AKR1D1: variants seen among roughly 807,000 people sequenced by gnomAD.
AKR1D1 encodes aldo-keto reductase family 1 member D1.
A neutral mutation model predicts 42.6 loss-of-function variants in AKR1D1; 32 were observed. The observed-to-expected ratio is 0.75, with a 90% CI of 0.57 to 1.01. The LOEUF (loss-of-function observed/expected upper bound fraction) is 1.01, where lower values mean the gene tolerates loss of function less well. Ranked by LOEUF, AKR1D1 falls within the 50% of genes least tolerant of loss-of-function variation. The pLI, the probability that AKR1D1 is intolerant of heterozygous loss-of-function variation, is 0.00. For synonymous variants in AKR1D1, 123 were observed against 135.5 expected, an observed-to-expected ratio of 0.91 and a Z score of 0.64; for missense variants, 364 against 402.2, an observed-to-expected ratio of 0.91 and a Z score of 0.81.
At chr7:138,084,296 T>C (rs1225970487) in intron 1 of AKR1D1, among the ~76,000 whole-genome samples, 2 of 149,052 alleles carry the variant, frequency 1.3e-5, no homozygotes, top group Non-Finnish European at 3.0e-5. Context: ...AGGGTCTTGC[T>C]CCAACACCCA....
intron 8 of AKR1D1, among the ~76,000 whole-genome samples, chr7:138,115,274 C>G (rs542473851): frequency 2.6e-4 from 40 of 152,208 alleles, no homozygotes; most frequent in African/African-American, 9.6e-4. Flanking sequence ...AAGACCCTAT[C>G]TCTACAAAAA....
chr7:138,104,464 G>A (rs1794376466), intron 4 of AKR1D1, among the ~76,000 whole-genome samples: 1 of 152,080 alleles, frequency 6.6e-6, no homozygotes, highest in Non-Finnish European at 1.5e-5. Flanking sequence ...TTGGGACACT[G>A]AGGCAGGTGG....
intron 1 of AKR1D1, among the ~76,000 whole-genome samples, chr7:138,088,107 T>C (rs1227107638): frequency 6.6e-6 from 1 of 151,984 alleles, no homozygotes; most frequent in Non-Finnish European, 1.5e-5. Flanking sequence ...CCCAGGCTGG[T>C]CTCAAACTCC....
In AKR1D1 at chr7:138,106,597, C is replaced by G; in HGVS notation, c.580-11C>G. ...TGATTTTGTGCTCTGCTCTCCAATGCAACCACATAGGTTGAGTGCCATCCG... is the reference window on the plus strand; with the variant it reads ...TGATTTTGTGCTCTGCTCTCCAATGGAACCACATAGGTTGAGTGCCATCCG... On this transcript the variant is annotated splice_polypyrimidine_tract_variant and intron_variant, in intron 5 of 8. Transcript: ENST00000242375. The G allele has an allele frequency of 6.2e-7, 1 of 1,610,380 alleles. No individual in the cohort carries two copies. The highest frequency in any genetic ancestry group is 1.1e-5 in the South Asian group (1 of 91,000).
At chr7:138,089,219 C>G (rs1055192191) in intron 2 of AKR1D1, among the ~76,000 whole-genome samples, 1 of 151,902 alleles carries the variant, frequency 6.6e-6, no homozygotes, top group Non-Finnish European at 1.5e-5. Context: ...GGCATGGTAA[C>G]TTGCACCTGT....
rs1454994963 is a variant in AKR1D1, at chr7:138,117,699, A to C, written c.*1037A>C. On this transcript the variant is annotated 3_prime_UTR_variant, in exon 9 of 9. Transcript: ENST00000242375. ...ATTATTAGAATTCAGCAATAGAGATATATCTATTTTCAATTCAACTACAGA... is the reference window on the plus strand; with the variant it reads ...ATTATTAGAATTCAGCAATAGAGATCTATCTATTTTCAATTCAACTACAGA... 1 of 152,234 alleles carries C rather than the reference A, an allele frequency of 6.6e-6. No homozygotes were observed. The highest frequency in any genetic ancestry group is 6.5e-5 in the Admixed American group (1 of 15,282). 9.4% of individuals were successfully genotyped at this position (152,234 alleles called of 1,614,324 possible).
chr7:138,081,123 A>G (rs1395208963), intron 1 of AKR1D1, among the ~76,000 whole-genome samples: 2 of 152,198 alleles, frequency 1.3e-5, no homozygotes, highest in African/African-American at 4.8e-5. Flanking sequence ...TATCTACTAT[A>G]GTGGGCTCCC....
rs184892155 is a variant in AKR1D1 at position 138,078,733 on chromosome 7, T to C, written c.93+2122T>C. Among the ~76,000 whole-genome samples, 470 of 152,302 alleles carry C rather than the reference T, an allele frequency of 3.1e-3. 3 individuals are homozygous for C. The highest frequency in any genetic ancestry group is 0.02 in the Middle Eastern group (6 of 294). On this transcript the variant is annotated intron_variant, in intron 1 of 8. Coordinates refer to ENST00000242375, the MANE Select transcript of AKR1D1 (RefSeq NM_005989.4). Reference sequence around the variant, plus strand: ...AAGTCTAATTATGGGGTACAAGCTATGGAGAAGGCATGGCCTAGAAAGTTA... The same window carrying C: ...AAGTCTAATTATGGGGTACAAGCTACGGAGAAGGCATGGCCTAGAAAGTTA...
At chr7:138,079,068 G>C (rs1314733794) in intron 1 of AKR1D1, among the ~76,000 whole-genome samples, 1 of 152,200 alleles carries the variant, frequency 6.6e-6, no homozygotes, top group African/African-American at 2.4e-5. Flanking sequence ...CTGGGCTCAA[G>C]TGATCCACCT....
chr7:138,107,671 A>G, intron 7 of AKR1D1, 91 bp downstream of exon 7: 1 of 1,398,020 alleles, frequency 7.2e-7, no homozygotes, highest in Non-Finnish European at 1.0e-6. Context: ...GGAAACCTGT[A>G]ACACTCTCAT....
chr7:138,116,627 G>C lies in AKR1D1; in HGVS notation c.946G>C (p.Asp316His). The C allele has an allele frequency of 1.9e-6, 3 of 1,614,114 alleles. No individual in the cohort carries two copies. Among genetic ancestry groups the C allele is most frequent in the Non-Finnish European group, 2.5e-6 (3 of 1,180,028 alleles). The change falls in exon 9 of 9, where the codon GAT becomes CAT. Residue 316 changes from aspartate to histidine, a missense_variant. Physicochemically the swap from Asp to His is moderately conservative, Grantham distance 81. Coordinates refer to ENST00000242375, the MANE Select transcript of AKR1D1 (RefSeq NM_005989.4). The part of the protein sequence containing the change: ...VRFVELLMWR[D>H]HPEYPFHDEY ...GGGGAATTGTTTTGGCAGGTGGCGC[G>C]ATCATCCTGAATACCCATTTCATGA...
chr7:138,084,366 G>A (rs1803124621), intron 1 of AKR1D1, among the ~76,000 whole-genome samples: 1 of 148,250 alleles, frequency 6.7e-6, no homozygotes, highest in African/African-American at 2.5e-5. Flanking sequence ...AGGCTCAAGC[G>A]AGTCACCAGA....
intron 2 of AKR1D1, chr7:138,091,117 A>C: frequency 6.3e-6 from 1 of 157,564 alleles, no homozygotes; most frequent in Non-Finnish European, 1.4e-5. Context: ...TGCAAGCACT[A>C]AGCATCAGGA....
rs768462545 is a variant in AKR1D1 at position 138,116,659 on chromosome 7, C to G, written c.978C>G (p.Tyr326Ter). ...DHPEYPFHDE[Y>*] ...CTGAATACCCATTTCATGATGAATACTGACTGCAGGGAGTTCCTGAACAGA... is the reference window on the plus strand; with the variant it reads ...CTGAATACCCATTTCATGATGAATAGTGACTGCAGGGAGTTCCTGAACAGA... The change falls in exon 9 of 9, where the codon TAC (tyrosine) becomes TAG (stop). Residue 326 changes from tyrosine to a stop codon, truncating the protein, a stop_gained. Transcript: ENST00000242375. LOFTEE classifies it high-confidence loss of function. The G allele has an allele frequency of 5.6e-6, 9 of 1,613,998 alleles. No homozygotes were observed. The highest frequency in any genetic ancestry group is 7.6e-6 in the Non-Finnish European group (9 of 1,180,016).
At chr7:138,100,657 C>T (rs777570186) in intron 4 of AKR1D1, among the ~76,000 whole-genome samples, 5 of 148,144 alleles carry the variant, frequency 3.4e-5, no homozygotes, top group South Asian at 2.1e-4. Flanking sequence ...CTAAGAGAAC[C>T]GAACAGAGAA....
intron 3 of AKR1D1, among the ~76,000 whole-genome samples, chr7:138,093,378 G>A (rs1400531781): frequency 1.3e-5 from 2 of 152,128 alleles, no homozygotes; most frequent in Non-Finnish European, 2.9e-5. Flanking sequence ...ACACAAACAT[G>A]TTGTACAGCT....
intron 1 of AKR1D1, among the ~76,000 whole-genome samples, chr7:138,088,267 T>C (rs918354558): frequency 6.6e-6 from 1 of 152,146 alleles, no homozygotes. Flanking sequence ...ACCTTTTGAT[T>C]TATAATTTAG....
In AKR1D1 at chr7:138,088,673, T is replaced by C. The variant is rs760018420; in HGVS notation, c.166T>C (p.Tyr56His). 1.2e-6 allele frequency: 2 copies of C among 1,614,048 alleles called. No homozygotes were observed. Among genetic ancestry groups the C allele is most frequent in the African/African-American group, 2.7e-5 (2 of 75,026 alleles). The change falls in exon 2 of 9, where the codon TAC (tyrosine) becomes CAC (histidine). Residue 56 changes from tyrosine to histidine, a missense_variant. By Grantham distance (83) the Tyr-to-His change is moderately conservative (BLOSUM62 2). Transcript: ENST00000242375. ...AGGGTACCGACATATTGATGGGGCC[T>C]ACATCTACCAAAATGAACACGAAGT... The part of the protein sequence containing the change: ...DTGYRHIDGA[Y>H]IYQNEHEVGE...
chr7:138,100,949 C>A (rs1304139884), intron 4 of AKR1D1, among the ~76,000 whole-genome samples: 1 of 151,790 alleles, frequency 6.6e-6, no homozygotes, highest in Non-Finnish European at 1.5e-5. Flanking sequence ...TGTGATCCAC[C>A]CTCCTCCGCC....
Sources: allele counts gnomAD v4.1 joint callset (sites outside exome capture counted in the v4.1 genomes callset), GRCh38; gene constraint gnomAD v4.1.1; transcripts MANE v1.5; gene names NCBI Gene and HGNC (gene_info 2026-07-23, HGNC 2026-07-21).